The following PDE7B variants were observed in gnomAD, a reference collection of about 807,000 sequenced individuals.
PDE7B encodes the protein phosphodiesterase 7B, also known as 3',5'-cyclic-AMP phosphodiesterase 7B.
A neutral mutation model predicts 56.2 loss-of-function variants in PDE7B; 29 were observed. The observed-to-expected ratio is 0.52, with a 90% CI of 0.38 to 0.70. The LOEUF is 0.70. PDE7B is among the 30% of genes least tolerant of loss of function. The pLI, the probability that PDE7B is intolerant of heterozygous loss-of-function variation, is 0.00. For missense variants in PDE7B, 490 were observed against 565.0 expected, an observed-to-expected ratio of 0.87 and a Z score of 1.35; for synonymous variants, 197 against 196.9, an observed-to-expected ratio of 1.00 and a Z score of 0.00.
rs1777771024 is a variant in PDE7B, at chr6:136,112,843, A to C, written c.166+4029A>C. 2.6e-5 allele frequency among the ~76,000 whole-genome samples: 4 copies of C among 152,306 alleles called. No individual in the cohort carries two copies. The South Asian group carries it at 8.3e-4, about 32-fold the overall frequency. ...TGTTTGGGGCAGAGGGAAACACAGT[A>C]CTACCAATTTCATGTACCTGTTTTC... On this transcript the variant is annotated intron_variant, in intron 3 of 12. Coordinates refer to ENST00000308191, the MANE Select transcript of PDE7B (RefSeq NM_018945.4).
chr6:135,947,569 A>C, intron 2 of PDE7B, 45 bp downstream of exon 2: 2 of 1,371,040 alleles, frequency 1.5e-6, no homozygotes, highest in Non-Finnish European at 2.1e-6. Flanking sequence ...TGTTGATGTC[A>C]TGTGGAGTTA....
intron 1 of PDE7B, among the ~76,000 whole-genome samples, chr6:135,890,862 G>A (rs544379817): frequency 2.1e-3 from 322 of 152,234 alleles, no homozygotes; most frequent in Non-Finnish European, 3.5e-3. Context: ...CTACCCATGA[G>A]TATCCCCATC....
intron 1 of PDE7B, among the ~76,000 whole-genome samples, chr6:135,897,945 G>A (rs563918927): frequency 1.3e-5 from 2 of 152,280 alleles, no homozygotes; most frequent in African/African-American, 4.8e-5. Flanking sequence ...GACAGCTGCT[G>A]CTGTTCCAGA....
At chr6:136,102,204 C>T (rs1246340269) in intron 2 of PDE7B, among the ~76,000 whole-genome samples, 7 of 151,984 alleles carry the variant, frequency 4.6e-5, no homozygotes, top group African/African-American at 1.7e-4. Context: ...CACATAAAGC[C>T]CTTCAAACAG....
At chr6:135,956,458 A>T (rs1774795832) in intron 2 of PDE7B, among the ~76,000 whole-genome samples, 1 of 152,114 alleles carries the variant, frequency 6.6e-6, no homozygotes, top group South Asian at 2.1e-4. Context: ...GGCCACAGGG[A>T]GCTGAGGGCA....
intron 1 of PDE7B, among the ~76,000 whole-genome samples, chr6:135,906,827 T>TTTTTTGTTTTTTTTTTTTG (rs1231419195): frequency 7.5e-6 from 1 of 133,454 alleles, no homozygotes; most frequent in Non-Finnish European, 1.6e-5. Context: ...TTTTTTTTTT[T>TTTTTTGTTTTTTTTTTTTG]TTTTTTTTTA....
rs550742034 is a variant in PDE7B at position 136,152,169 on chromosome 6, A to G, written c.478+914A>G. ...GTTTAAACCCATGTTCTCAAGGGTCAAGTGTAGTTATGTTTATAATAAATT... is the reference window on the plus strand; with the variant it reads ...GTTTAAACCCATGTTCTCAAGGGTCGAGTGTAGTTATGTTTATAATAAATT... On this transcript the variant is annotated intron_variant, in intron 6 of 12. Coordinates refer to ENST00000308191, the MANE Select transcript of PDE7B (RefSeq NM_018945.4). Among the ~76,000 whole-genome samples, 368 of 152,270 alleles carry G rather than the reference A, an allele frequency of 2.4e-3. 2 individuals carry two copies. The highest frequency in any genetic ancestry group is 3.2e-3 in the Non-Finnish European group (215 of 68,024).
chr6:135,919,239 A>G (rs1774018619), intron 1 of PDE7B, among the ~76,000 whole-genome samples: 1 of 152,170 alleles, frequency 6.6e-6, no homozygotes, highest in African/African-American at 2.4e-5. Flanking sequence ...GAAAGTTTTC[A>G]GTTTCAATGG....
intron 1 of PDE7B, among the ~76,000 whole-genome samples, chr6:135,926,278 A>G (rs181099100): frequency 0.038 from 5,705 of 152,060 alleles, 141 homozygotes; most frequent in Middle Eastern, 0.068. Context: ...TGGTAGAGAC[A>G]GGGTTTCACC....
chr6:136,075,346 G>A (rs182542731), intron 2 of PDE7B, among the ~76,000 whole-genome samples: 6 of 152,286 alleles, frequency 3.9e-5, no homozygotes, highest in Non-Finnish European at 5.9e-5. Flanking sequence ...CCAACCCACT[G>A]CAGATTCTCA....
At chr6:136,022,485 G>A (rs965341811) in intron 2 of PDE7B, among the ~76,000 whole-genome samples, 1 of 152,250 alleles carries the variant, frequency 6.6e-6, no homozygotes, top group South Asian at 2.1e-4. Flanking sequence ...GTCATCTAGG[G>A]TCAAGGACCT....
chr6:135,958,468 T>C (rs1774839689), intron 2 of PDE7B, among the ~76,000 whole-genome samples: 1 of 152,190 alleles, frequency 6.6e-6, no homozygotes, highest in Admixed American at 6.5e-5. Context: ...TATTTCATTG[T>C]AAATTCATAT....
intron 2 of PDE7B, among the ~76,000 whole-genome samples, chr6:136,000,580 G>C (rs1442634956): frequency 6.6e-6 from 1 of 152,128 alleles, no homozygotes; most frequent in Non-Finnish European, 1.5e-5. Flanking sequence ...TTATTTCTGG[G>C]CTTTCTATTT....
intron 2 of PDE7B, among the ~76,000 whole-genome samples, chr6:135,965,765 G>C (rs532457049): frequency 1.6e-4 from 24 of 152,222 alleles, no homozygotes; most frequent in African/African-American, 4.8e-4. Flanking sequence ...AATGAGATTT[G>C]AGTGAAGACA....
chr6:136,157,553 G>A (rs1332560276), intron 8 of PDE7B, among the ~76,000 whole-genome samples: 3 of 152,308 alleles, frequency 2.0e-5, no homozygotes, highest in East Asian at 3.9e-4. Context: ...ACTCCAGCCT[G>A]GGCAACAGAG....
intron 3 of PDE7B, among the ~76,000 whole-genome samples, chr6:136,128,138 G>A (rs1162044921): frequency 6.6e-6 from 1 of 152,150 alleles, no homozygotes; most frequent in Non-Finnish European, 1.5e-5. Flanking sequence ...AAGAGCTAGG[G>A]CCTGGCATTT....
At chr6:135,899,447 A>G (rs748129819) in intron 1 of PDE7B, among the ~76,000 whole-genome samples, 2 of 150,774 alleles carry the variant, frequency 1.3e-5, no homozygotes, top group African/African-American at 2.4e-5. Flanking sequence ...ATAGATATAT[A>G]TGAGATCTAT....
intron 1 of PDE7B, among the ~76,000 whole-genome samples, chr6:135,864,101 T>C (rs1775205267): frequency 6.6e-6 from 1 of 152,204 alleles, no homozygotes. Flanking sequence ...ACTTTTACAT[T>C]ATTTTACATT....
intron 1 of PDE7B, among the ~76,000 whole-genome samples, chr6:135,880,005 C>T (rs1424666516): frequency 6.6e-6 from 1 of 152,178 alleles, no homozygotes; most frequent in Non-Finnish European, 1.5e-5. Context: ...ACCCCCAAGT[C>T]TTGATGTTTT....
Sources: gnomAD v4.1 joint callset for allele counts (sites outside exome capture counted in the v4.1 genomes callset) on GRCh38, gnomAD v4.1.1 for gene constraint, MANE v1.5 for transcripts, NCBI Gene and HGNC (gene_info 2026-07-23, HGNC 2026-07-21) for gene names.